Variants in PITPNM1 observed in about 807,000 individuals in gnomAD.
PITPNM1 encodes the protein membrane-associated phosphatidylinositol transfer protein 1.
In PITPNM1, 74 loss-of-function variants were observed where a neutral mutation model predicts 133.3. That is an observed-to-expected ratio of 0.56 (90% CI 0.46 to 0.67). The LOEUF is 0.67. Ranked by LOEUF, PITPNM1 falls within the 30% of genes least tolerant of loss-of-function variation. The pLI, the probability that PITPNM1 is intolerant of heterozygous loss-of-function variation, is 0.00. For synonymous variants in PITPNM1, 738 were observed against 741.4 expected, an observed-to-expected ratio of 1.00 and a Z score of 0.08; for missense variants, 1,398 against 1,739.5, an observed-to-expected ratio of 0.80 and a Z score of 3.49.
rs28429924 is a variant in PITPNM1, at chr11:67,494,986, C to G, written c.2632-30G>C. ...ACGGGACAGGGGGCGAGGCCTCTGT[C>G]TCTTAGGGGAGGGAGGGCTGCCCCT... is the stretch of plus-strand genomic sequence containing the variant. On this transcript the variant is annotated intron_variant, in intron 17 of 23. Coordinates refer to ENST00000356404, the MANE Select transcript of PITPNM1 (RefSeq NM_004910.3). 3.1e-3 allele frequency: 4,981 copies of G among 1,608,968 alleles called. 153 individuals carry two copies. The African/African-American group carries it at 0.06, about 19-fold the overall frequency.
In PITPNM1 at chr11:67,496,195, C is replaced by G; in HGVS notation, c.2300G>C (p.Gly767Ala). The G allele has an allele frequency of 6.5e-7, 1 of 1,538,348 alleles. No homozygotes were observed. The highest frequency in any genetic ancestry group is 8.7e-7 in the Non-Finnish European group (1 of 1,148,094). Residue 767 changes from glycine to alanine, a missense_variant, in exon 15 of 24, where the codon GGC (glycine) becomes GCC (alanine). Physicochemically the swap from Gly to Ala is moderately conservative, Grantham distance 60. Around this residue, in one of 5 missense-constraint regions of PITPNM1, gnomAD observed 574 missense variants for 698.7 expected, o/e 0.82. Transcript: ENST00000356404. ...GGGCGTACCCAGCAGCAGGGATGAG[C>G]CATCTCCCAGGGGGAACTTCTGGTA... ...PRYQKFPLGD[G>A]SSLLLADTLQ... is the part of the protein sequence containing the mutation.
rs372967480 is a variant in PITPNM1, at chr11:67,491,902, G to A, written c.*131C>T. 1,097 of 984,052 alleles carry A rather than the reference G, an allele frequency of 1.1e-3. 6 individuals carry two copies. Among genetic ancestry groups the A allele is most frequent in the African/African-American group, 6.7e-3 (414 of 61,390 alleles). 61.0% of individuals were successfully genotyped at this position (984,052 alleles called of 1,614,324 possible). A position where few individuals can be genotyped will look rare whatever the true frequency, so the allele number is the denominator to read the frequency against. ...AGGGAAGTAACACCGAGGAGCACAC[G>A]GAGATATAGGGTGTGGGGCTGGGGG... On this transcript the variant is annotated 3_prime_UTR_variant, in exon 24 of 24. Coordinates refer to ENST00000356404, the MANE Select transcript of PITPNM1 (RefSeq NM_004910.3).
chr11:67,492,574 C>T (rs1199714085), intron 23 of PITPNM1, among the ~76,000 whole-genome samples: 1 of 152,274 alleles, frequency 6.6e-6, no homozygotes, highest in African/African-American at 2.4e-5. Context: ...CCAGCACTTG[C>T]TTTGTGCCCA....
chr11:67,500,179 G>C lies in PITPNM1; in HGVS notation c.883C>G (p.Pro295Ala), dbSNP rs1378764987. ...TGTPDGPEAP[P>A]GPDASPDASF... ...GCATCGGGGGAGGCATCTGGGCCTGGGGGGGCCTCAGGCCCATCGGGGGTG... is the reference window on the plus strand; with the variant it reads ...GCATCGGGGGAGGCATCTGGGCCTGCGGGGGCCTCAGGCCCATCGGGGGTG... The change falls in exon 6 of 24, where the codon CCA (proline) becomes GCA (alanine). Residue 295 changes from proline (P) to alanine (A), a missense_variant. Physicochemically the swap from Pro to Ala is conservative, Grantham distance 27. Transcript: ENST00000356404. The C allele has an allele frequency of 6.3e-6, 10 of 1,598,380 alleles. No individual in the cohort carries two copies. Among genetic ancestry groups the C allele is most frequent in the Admixed American group, 1.7e-5 (1 of 59,730 alleles).
At chr11:67,499,552 T>TCCACCCACCCATCCAA (rs1866244981) in intron 8 of PITPNM1, 171 bp downstream of exon 8, 1 of 18,400 alleles carries the variant, frequency 5.4e-5, no homozygotes, top group Admixed American at 6.5e-4. Flanking sequence ...TAATCATCCA[T>TCCACCCACCCATCCAA]CCATCCACCC....
chr11:67,493,367 C>A, intron 22 of PITPNM1, 43 bp downstream of exon 22: 1 of 1,480,712 alleles, frequency 6.8e-7, no homozygotes, highest in Non-Finnish European at 9.1e-7. Flanking sequence ...TAAGGGGGAG[C>A]GGGGGCGGGG....
rs573481188 is a variant in PITPNM1 at position 67,495,447 on chromosome 11, C to A, written c.2473G>T (p.Val825Leu). ...QPAAPSTTSEVVKILERWWGT... is the reference protein window; with the variant it reads ...QPAAPSTTSELVKILERWWGT... ...AGGCTGGCTGACTTACTCTTAACCA[C>A]CTCACTGGTGGTGCTGGGGGCGGCT... Residue 825 changes from valine (V) to leucine (L), a missense_variant, in exon 16 of 24, where the codon GTG becomes TTG. Physicochemically the swap from Val to Leu is conservative, Grantham distance 32. This residue lies in a region of PITPNM1 where 574 missense variants were observed against 698.7 expected (regional missense o/e 0.82). Coordinates refer to ENST00000356404, the MANE Select transcript of PITPNM1 (RefSeq NM_004910.3). The A allele has an allele frequency of 1.3e-6, 2 of 1,522,522 alleles. No individual in the cohort carries two copies. The highest frequency in any genetic ancestry group is 2.8e-5 in the African/African-American group (2 of 72,564). 94.3% of individuals were successfully genotyped at this position (1,522,522 alleles called of 1,614,324 possible).
At position 67,502,801 on chromosome 11, in the gene PITPNM1, A is replaced by C. The variant is rs1866378417; in HGVS notation, c.79-83T>G. ...CCCAGCTCAGCCTGGTGTTCTACAC[A>C]GCTCTGGGGCCCTGGTCCCAGCCTT... On this transcript the variant is annotated intron_variant, in intron 2 of 23. Coordinates refer to ENST00000356404, the MANE Select transcript of PITPNM1 (RefSeq NM_004910.3). This position sits in a 1 kb window ranked among gnomAD's most constrained non-coding sequence, Gnocchi z 5.9. The C allele has an allele frequency of 7.3e-7, 1 of 1,376,050 alleles. No homozygotes were observed. The highest frequency in any genetic ancestry group is 1.4e-5 in the African/African-American group (1 of 70,174). 85.2% of individuals were successfully genotyped at this position (1,376,050 alleles called of 1,614,324 possible). A position where few individuals can be genotyped will look rare whatever the true frequency, so the allele number is the denominator to read the frequency against.
intron 5 of PITPNM1, 146 bp downstream of exon 5, chr11:67,501,716 G>T: frequency 1.5e-6 from 1 of 682,676 alleles, no homozygotes; most frequent in Non-Finnish European, 2.5e-6. Context: ...AGGCTGTGCG[G>T]CCGCTTCTGC....
In PITPNM1 at chr11:67,492,396, G is replaced by A. The variant is rs1010476967; in HGVS notation, c.3472-100C>T. 29 of 1,264,030 alleles carry A rather than the reference G, an allele frequency of 2.3e-5. No homozygotes were observed. The African/African-American group carries it at 4.1e-4, about 18-fold the overall frequency. 78.3% of individuals were successfully genotyped at this position (1,264,030 alleles called of 1,614,324 possible). A position where few individuals can be genotyped will look rare whatever the true frequency, so the allele number is the denominator to read the frequency against. On this transcript the variant is annotated intron_variant, in intron 23 of 23. Coordinates refer to ENST00000356404, the MANE Select transcript of PITPNM1 (RefSeq NM_004910.3). ...GGCACCTGAGGCAGGCTGGGGGACT[G>A]GTGGCAGGCTTGGCACAGCCTGAGC...
In PITPNM1 at chr11:67,493,957, C is replaced by T. The variant is rs1216042678; in HGVS notation, c.2973G>A (p.Leu991=). ...LTFPVPPERA[L]GIGVYPVRMV... ...TGCGCACGGGGTAGACACCAATGCC[C>T]AGCGCGCGTTCTGGGGGAACTGGGA... Residue 991 remains leucine (L), a synonymous_variant, in exon 20 of 24, where the codon CTG becomes CTA. Coordinates refer to ENST00000356404, the MANE Select transcript of PITPNM1 (RefSeq NM_004910.3). 3.1e-6 allele frequency: 5 copies of T among 1,606,640 alleles called. No homozygotes were observed. The African/African-American group carries it at 6.7e-5, about 21-fold the overall frequency.
rs1467754329 is a variant in PITPNM1 at position 67,492,154 on chromosome 11, C to G, written c.3614G>C (p.Ser1205Thr). Residue 1205 changes from serine to threonine, a missense_variant, in exon 24 of 24, where the codon AGC (serine) becomes ACC (threonine). Coordinates refer to ENST00000356404, the MANE Select transcript of PITPNM1 (RefSeq NM_004910.3). ...AAPVDFLRKQ[S>T]QLLRSRGPSQ... is the part of the protein sequence containing the mutation. The stretch of plus-strand genomic sequence containing the variant: ...GGGGCCCCTCGAGCGAAGCAGCTGG[C>G]TCTGTTTGCGCAGGAAGTCCACGGG... 1.2e-6 allele frequency: 2 copies of G among 1,611,684 alleles called. No individual in the cohort carries two copies. The highest frequency in any genetic ancestry group is 1.7e-6 in the Non-Finnish European group (2 of 1,179,808).
In PITPNM1 at chr11:67,493,841, C is replaced by A. The variant is rs1319107421; in HGVS notation, c.3009-4G>T. On this transcript the variant is annotated splice_region_variant and splice_polypyrimidine_tract_variant and intron_variant, in intron 20 of 23. Coordinates refer to ENST00000356404, the MANE Select transcript of PITPNM1 (RefSeq NM_004910.3). ...TTCGGCATAGGTGTGGTCGCCCCTG[C>A]GGCCCACGGGGCGGGGCGTGAGTGG... 1.3e-6 allele frequency: 2 copies of A among 1,538,432 alleles called. No homozygotes were observed. The highest frequency in any genetic ancestry group is 1.8e-6 in the Non-Finnish European group (2 of 1,140,388).
intron 18 of PITPNM1, 84 bp downstream of exon 18, chr11:67,494,762 G>A: frequency 1.2e-6 from 1 of 810,480 alleles, no homozygotes; most frequent in Middle Eastern, 3.6e-4. Context: ...CGAGGAGGGG[G>A]GTGCTGGGGG....
In PITPNM1 at chr11:67,493,390, G is replaced by A; in HGVS notation, c.3342+20C>T. On this transcript the variant is annotated intron_variant, in intron 22 of 23. Coordinates refer to ENST00000356404, the MANE Select transcript of PITPNM1 (RefSeq NM_004910.3). ...AGCGGGGGCGGGGTCAGGACCCGGAGCCTCCCCCAGCCGCCGCACCTCCTG... is the reference window on the plus strand; with the variant it reads ...AGCGGGGGCGGGGTCAGGACCCGGAACCTCCCCCAGCCGCCGCACCTCCTG... The A allele has an allele frequency of 6.5e-7, 1 of 1,549,502 alleles. No homozygotes were observed. Among genetic ancestry groups the A allele is most frequent in the Non-Finnish European group, 8.8e-7 (1 of 1,142,446 alleles).
chr11:67,492,085 AG>A lies in PITPNM1; in HGVS notation c.3682del (p.Leu1228TrpfsTer11), dbSNP rs752464462. On this transcript the variant is annotated frameshift_variant, in exon 24 of 24. Transcript: ENST00000356404. LOFTEE classifies it high-confidence loss of function. ...GATGCTCCGTGCTTTGCCCCGTGCC[AG>A]GGTGGTGGGTGGTGTTCCCGGGCCC... Reference protein sequence around the residue: ...REGPGTPPTTLARGKARSISL... With the variant: ...REGPGTPPTTXARGKARSISL... 1 of 1,612,490 alleles carries A rather than the reference AG, an allele frequency of 6.2e-7. No individual in the cohort carries two copies.
In PITPNM1 at chr11:67,492,269, G is replaced by A. The variant is rs1025888867; in HGVS notation, c.3499C>T (p.Leu1167=). The A allele has an allele frequency of 7.6e-6, 12 of 1,587,650 alleles. No individual in the cohort carries two copies. In the East Asian group the frequency reaches 1.8e-4, roughly 24 times the overall value. ...QFLSDGYVAH[L]GQLEAGSHSH... is the part of the protein sequence containing the mutation. ...TGCGAGCCCGCTTCCAGCTGGCCCA[G>A]GTGGGCCACATAGCCGTCTGACAGG... is the stretch of plus-strand genomic sequence containing the variant. The change falls in exon 24 of 24, where the codon CTG becomes TTG. Residue 1167 remains leucine, a synonymous_variant. Coordinates refer to ENST00000356404, the MANE Select transcript of PITPNM1 (RefSeq NM_004910.3).
chr11:67,498,476 C>T lies in PITPNM1; in HGVS notation c.1484+120G>A. On this transcript the variant is annotated intron_variant, in intron 10 of 23. Transcript: ENST00000356404. The surrounding 1 kb of genome is among the most constrained non-coding windows in gnomAD (Gnocchi z 5.7). Reference sequence around the variant, plus strand: ...ACTGAAATGGAGCCATTCTCCAGAACAGGTCCAGCCATGCCAGTGACCGAC... The same window carrying T: ...ACTGAAATGGAGCCATTCTCCAGAATAGGTCCAGCCATGCCAGTGACCGAC... The T allele has an allele frequency of 6.8e-7, 1 of 1,467,836 alleles. No individual in the cohort carries two copies. The highest frequency in any genetic ancestry group is 9.2e-7 in the Non-Finnish European group (1 of 1,089,804). 90.9% of individuals were successfully genotyped at this position (1,467,836 alleles called of 1,614,324 possible).
chr11:67,504,265 C>A lies in PITPNM1; in HGVS notation c.-41-44G>T. 1.1e-6 allele frequency: 1 copy of A among 872,626 alleles called. No individual in the cohort carries two copies. Among genetic ancestry groups the A allele is most frequent in the South Asian group, 2.6e-5 (1 of 38,982 alleles). The allele number at this position is 872,626 out of a possible 1,614,324, so 54.1% of individuals were successfully genotyped here. On this transcript the variant is annotated intron_variant, in intron 1 of 23. Transcript: ENST00000356404. The surrounding 1 kb of genome is among the most constrained non-coding windows in gnomAD (Gnocchi z 5.4). ...CGACAGTCAGTGCGGGGAGGCTGCG[C>A]GCGGCCCCGAGCCCTGCGCGCCGGC...
Sources: allele counts gnomAD v4.1 joint callset (sites outside exome capture counted in the v4.1 genomes callset), GRCh38; gene constraint gnomAD v4.1.1; regional missense constraint gnomAD v4.1.1; non-coding constraint Gnocchi (gnomAD v3.1); transcripts MANE v1.5; gene names NCBI Gene and HGNC (gene_info 2026-07-23, HGNC 2026-07-21).